Variants in CEP63 observed in about 807,000 individuals in gnomAD.
The protein encoded by CEP63 is centrosomal protein 63.
A neutral mutation model predicts 89.1 loss-of-function variants in CEP63; 84 were observed. The observed-to-expected ratio is 0.94, with a 90% CI of 0.79 to 1.13. The LOEUF (loss-of-function observed/expected upper bound fraction) is 1.13, where lower values mean the gene tolerates loss of function less well. Ranked by LOEUF, CEP63 falls within the 50% of genes most tolerant of loss-of-function variation. CEP63 has a pLI of 0.00. For missense variants in CEP63, 838 were observed against 813.3 expected, an observed-to-expected ratio of 1.03 and a Z score of -0.37; for synonymous variants, 267 against 272.5, an observed-to-expected ratio of 0.98 and a Z score of 0.20.
chr3:134,768,815 A>T, the CEP63 span, among the ~76,000 whole-genome samples: 1 of 152,208 alleles, frequency 6.6e-6, no homozygotes, highest in Non-Finnish European at 1.5e-5. Flanking sequence ...GGGCTGTAAG[A>T]TAGGGAGACT....
At chr3:134,532,586 T>C (rs560206729) in intron 4 of CEP63, among the ~76,000 whole-genome samples, 192 bp from the exon 5 acceptor site, 1 of 152,304 alleles carries the variant, frequency 6.6e-6, no homozygotes, top group East Asian at 1.9e-4. Context: ...ATTTTTTCTT[T>C]GAATATATTT....
At chr3:134,526,887 C>T (rs1235254011) in intron 3 of CEP63, among the ~76,000 whole-genome samples, 1 of 150,858 alleles carries the variant, frequency 6.6e-6, no homozygotes, top group Non-Finnish European at 1.5e-5. Flanking sequence ...ATTGCTCAGC[C>T]CCCAACTCCT....
chr3:134,639,949 CAAAAAAAAAAAA>C, the CEP63 span: 25 of 49,714 alleles, frequency 5.0e-4, no homozygotes, highest in Non-Finnish European at 7.7e-4. Context: ...CACCCTGTCT[CAAAAAAAAAAAA>C]AAAAAAAAAA....
chr3:134,607,254 G>C, the CEP63 span: 4 of 985,478 alleles, frequency 4.1e-6, no homozygotes, highest in Non-Finnish European at 4.8e-6. Context: ...GGAGCTGCCA[G>C]GTATTTGGAG....
intron 8 of CEP63, 96 bp from the exon 9 acceptor site, chr3:134,547,239 A>T: frequency 8.7e-7 from 1 of 1,148,718 alleles, no homozygotes; most frequent in African/African-American, 1.5e-5. Flanking sequence ...AGTTCCAAAG[A>T]GGTTACCAAA....
the CEP63 span, chr3:134,650,933 C>A: frequency 1.9e-6 from 3 of 1,613,256 alleles, no homozygotes; most frequent in Non-Finnish European, 2.5e-6. Context: ...TCGATAGATA[C>A]AGCGTTGATG....
chr3:134,778,025 T>G, the CEP63 span, among the ~76,000 whole-genome samples: 1 of 151,990 alleles, frequency 6.6e-6, no homozygotes, highest in Non-Finnish European at 1.5e-5. Context: ...TCTCATTTGT[T>G]CTGCAAGTTG....
chr3:134,563,186 T>A lies in CEP63; in HGVS notation c.*1651T>A, dbSNP rs1560062896. On this transcript the variant is annotated 3_prime_UTR_variant, in exon 15 of 15. Coordinates refer to ENST00000675561, the MANE Select transcript of CEP63 (RefSeq NM_001353108.3). ...TTCCTTCCTTACCCACATCCGCATA[T>A]CCAGTCATTTGGGAGGTCCTGTCAT... 6.6e-6 allele frequency: 1 copy of A among 152,286 alleles called. No individual in the cohort carries two copies. Among genetic ancestry groups the A allele is most frequent in the Non-Finnish European group, 1.5e-5 (1 of 68,120 alleles). The allele number at this position is 152,286 out of a possible 1,614,324, so 9.4% of individuals were successfully genotyped here.
At chr3:134,723,137 G>C in the CEP63 span, among the ~76,000 whole-genome samples, 2 of 152,194 alleles carry the variant, frequency 1.3e-5, no homozygotes, top group African/African-American at 2.4e-5. Context: ...CTTCTTCAGA[G>C]GTATGGTAGA....
At chr3:134,674,186 G>T in the CEP63 span, among the ~76,000 whole-genome samples, 36 of 152,198 alleles carry the variant, frequency 2.4e-4, no homozygotes, top group Admixed American at 2.6e-4. Context: ...AAGTGAGTCT[G>T]TCATCAACAA....
At chr3:134,546,366 A>G in intron 8 of CEP63, 78 bp downstream of exon 8, 1 of 1,324,718 alleles carries the variant, frequency 7.5e-7, no homozygotes, top group Non-Finnish European at 1.0e-6. Context: ...TTTTATTTTT[A>G]TTTTTATTTT....
chr3:134,517,534 C>T (rs1189083205), intron 3 of CEP63, among the ~76,000 whole-genome samples: 1 of 152,086 alleles, frequency 6.6e-6, no homozygotes, highest in African/African-American at 2.4e-5. Context: ...CTTATTAGCA[C>T]AAAAAATACC....
chr3:134,545,939 A>C, intron 7 of CEP63, 120 bp downstream of exon 7: 1 of 847,120 alleles, frequency 1.2e-6, no homozygotes, highest in South Asian at 1.7e-5. Flanking sequence ...TAAATGATGG[A>C]TCAGATATTG....
At chr3:134,680,467 T>A in the CEP63 span, among the ~76,000 whole-genome samples, 6 of 152,280 alleles carry the variant, frequency 3.9e-5, no homozygotes, top group South Asian at 1.2e-3. Context: ...TGTACAACCA[T>A]GTGCACATCC....
At chr3:134,619,312 G>A in the CEP63 span, 29 of 1,422,686 alleles carry the variant, frequency 2.0e-5, no homozygotes, top group South Asian at 8.0e-5. Context: ...CCTGGGAGGC[G>A]AGAAGACTCC....
At chr3:134,512,687 G>A (rs1027363180) in intron 3 of CEP63, among the ~76,000 whole-genome samples, 1 of 151,914 alleles carries the variant, frequency 6.6e-6, no homozygotes, top group African/African-American at 2.4e-5. Flanking sequence ...TTTTACTGCT[G>A]TATTTTCATT....
At chr3:134,536,017 CT>C (rs1344253198) in intron 5 of CEP63, 2 of 152,214 alleles carry the variant, frequency 1.3e-5, no homozygotes, top group Non-Finnish European at 2.9e-5. Context: ...CTTTCTCACC[CT>C]TAAACACACC....
intron 2 of CEP63, 84 bp downstream of exon 2, chr3:134,495,448 A>G (rs1046232876): frequency 7.0e-6 from 6 of 854,888 alleles, no homozygotes; most frequent in Non-Finnish European, 1.2e-5. Context: ...TTTGATACAT[A>G]CATATAATGT....
chr3:134,590,086 G>T (rs1368731122), downstream of CEP63, among the ~76,000 whole-genome samples: 1 of 152,186 alleles, frequency 6.6e-6, no homozygotes, highest in Non-Finnish European at 1.5e-5. Flanking sequence ...GGGCCTACTT[G>T]AGGATGGAGG....
Sources: gnomAD v4.1 joint callset for allele counts (sites outside exome capture counted in the v4.1 genomes callset) on GRCh38, gnomAD v4.1.1 for gene constraint, MANE v1.5 for transcripts, NCBI Gene and HGNC (gene_info 2026-07-23, HGNC 2026-07-21) for gene names.